EIF4G3: variants seen among roughly 807,000 people sequenced by gnomAD.
The protein encoded by EIF4G3 is eukaryotic translation initiation factor 4 gamma 3, also known as eIF-4-gamma 3.
In EIF4G3, 34 loss-of-function variants were observed where a neutral mutation model predicts 186.4. That is an observed-to-expected ratio of 0.18 (90% CI 0.14 to 0.24). EIF4G3 has a LOEUF of 0.24. Ranked by LOEUF, EIF4G3 falls within the 10% of genes least tolerant of loss-of-function variation. The probability of loss-of-function intolerance (pLI) is 1.00; values close to 1 mark genes in which losing one functional copy is unlikely to be tolerated. For missense variants in EIF4G3, 1,536 were observed against 1,948.5 expected (o/e 0.79, Z 3.99); for synonymous variants, 673 against 679.5 (o/e 0.99, Z 0.15).
At chr1:21,149,754 C>A (rs1364103711) in intron 2 of EIF4G3, among the ~76,000 whole-genome samples, 1 of 152,152 alleles carries the variant, frequency 6.6e-6, no homozygotes, top group Non-Finnish European at 1.5e-5. Flanking sequence ...AAGGGAAGAC[C>A]TTTTTAATCC....
At chr1:20,979,071 T>C (rs971761853) in intron 10 of EIF4G3, among the ~76,000 whole-genome samples, 1 of 152,204 alleles carries the variant, frequency 6.6e-6, no homozygotes, top group African/African-American at 2.4e-5. Flanking sequence ...AACAGATCAA[T>C]GCTTACTGAA....
At chr1:20,919,856 A>G (rs2094328999) in intron 14 of EIF4G3, among the ~76,000 whole-genome samples, 2 of 152,210 alleles carry the variant, frequency 1.3e-5, no homozygotes, top group South Asian at 2.1e-4. Flanking sequence ...TAAAGACACC[A>G]AAGTCAGAAT....
At chr1:21,028,730 G>A (rs1325696957) in intron 4 of EIF4G3, among the ~76,000 whole-genome samples, 3 of 152,334 alleles carry the variant, frequency 2.0e-5, no homozygotes, top group African/African-American at 7.2e-5. Flanking sequence ...TATATACAGT[G>A]TATGGCCTGT....
At chr1:20,824,354 G>A (rs2063101306) in intron 33 of EIF4G3, among the ~76,000 whole-genome samples, 1 of 152,104 alleles carries the variant, frequency 6.6e-6, no homozygotes, top group South Asian at 2.1e-4. Context: ...TTTTCAGATT[G>A]CATTCTTGTT....
intron 36 of EIF4G3, among the ~76,000 whole-genome samples, chr1:20,808,922 G>A (rs79156934): frequency 0.076 from 11,583 of 152,056 alleles, 818 homozygotes; most frequent in East Asian, 0.32. Flanking sequence ...ATGGAGGGAG[G>A]CAGTGGAATA....
At chr1:20,848,059 G>A (rs898525679) in intron 29 of EIF4G3, 14 of 323,684 alleles carry the variant, frequency 4.3e-5, no homozygotes, top group African/African-American at 2.7e-4. Flanking sequence ...TCTGCCTCCC[G>A]GGCTTCAAGT....
intron 2 of EIF4G3, among the ~76,000 whole-genome samples, chr1:21,151,358 C>G (rs1226270952): frequency 6.6e-6 from 1 of 150,454 alleles, no homozygotes; most frequent in Admixed American, 6.7e-5. Flanking sequence ...CCTGCCTCAG[C>G]CTCCCAAGTA....
At chr1:20,825,465 C>T (rs1042954133) in intron 32 of EIF4G3, among the ~76,000 whole-genome samples, 5 of 152,088 alleles carry the variant, frequency 3.3e-5, no homozygotes, top group Admixed American at 6.6e-5. Context: ...ACAAACTTTT[C>T]CTCACTGATA....
At chr1:20,961,141 T>G (rs1558449782) in intron 12 of EIF4G3, among the ~76,000 whole-genome samples, 1 of 152,148 alleles carries the variant, frequency 6.6e-6, no homozygotes, top group Non-Finnish European at 1.5e-5. Flanking sequence ...TCCCAGCACT[T>G]TGGGAGGCCG....
chr1:20,809,361 G>T (rs1163232264), intron 36 of EIF4G3, among the ~76,000 whole-genome samples: 1 of 152,084 alleles, frequency 6.6e-6, no homozygotes, highest in African/African-American at 2.4e-5. Flanking sequence ...TTATCTCCAA[G>T]AGCGATTCAG....
intron 35 of EIF4G3, among the ~76,000 whole-genome samples, chr1:20,812,890 G>A (rs1341857344): frequency 6.6e-6 from 1 of 152,242 alleles, no homozygotes; most frequent in Non-Finnish European, 1.5e-5. Flanking sequence ...AAAAGATAAA[G>A]AAAAAGCTAC....
intron 30 of EIF4G3, among the ~76,000 whole-genome samples, chr1:20,836,389 C>T (rs987460997): frequency 2.0e-5 from 3 of 152,106 alleles, no homozygotes; most frequent in Non-Finnish European, 2.9e-5. Flanking sequence ...ATTATTGGCA[C>T]GTGCCACCAT....
At chr1:20,904,061 C>T (rs2091332320) in intron 15 of EIF4G3, among the ~76,000 whole-genome samples, 1 of 152,098 alleles carries the variant, frequency 6.6e-6, no homozygotes, top group Admixed American at 6.6e-5. Flanking sequence ...CCTTTTTCTT[C>T]CTCACATTCA....
At chr1:20,841,308 A>T (rs1180466170) in intron 29 of EIF4G3, 1 of 210,138 alleles carries the variant, frequency 4.8e-6, no homozygotes, top group Non-Finnish European at 9.3e-6. Context: ...CTGTTTTTAT[A>T]AATAAAAAAA....
At chr1:21,056,789 A>G (rs570746022) in intron 3 of EIF4G3, among the ~76,000 whole-genome samples, 36 of 152,328 alleles carry the variant, frequency 2.4e-4, no homozygotes, top group African/African-American at 7.0e-4. Context: ...TACCTTCTCA[A>G]TTATGAAGGC....
intron 3 of EIF4G3, among the ~76,000 whole-genome samples, chr1:21,060,703 G>A (rs968716309): frequency 1.3e-5 from 2 of 150,420 alleles, no homozygotes; most frequent in South Asian, 4.2e-4. Context: ...ACAGTTCGGC[G>A]CTGTAAGGCA....
intron 32 of EIF4G3, among the ~76,000 whole-genome samples, chr1:20,826,333 A>G (rs897423503): frequency 6.7e-6 from 1 of 150,206 alleles, no homozygotes; most frequent in African/African-American, 2.5e-5. Context: ...TGCCTGGCTA[A>G]TTTTTGTATT....
chr1:21,051,039 C>A, intron 3 of EIF4G3, 45 bp from the exon 4 acceptor site: 2 of 713,180 alleles, frequency 2.8e-6, no homozygotes. Flanking sequence ...ATTAGTAAAT[C>A]AATCTTAATA....
At chr1:21,077,598 G>A (rs1438192686) in intron 3 of EIF4G3, among the ~76,000 whole-genome samples, 3 of 149,060 alleles carry the variant, frequency 2.0e-5, no homozygotes, top group Non-Finnish European at 4.5e-5. Flanking sequence ...AAAAAAAAAC[G>A]GGCCGGGCGT....
Sources: gnomAD v4.1 joint callset for allele counts (sites outside exome capture counted in the v4.1 genomes callset) on GRCh38, gnomAD v4.1.1 for gene constraint, MANE v1.5 for transcripts, NCBI Gene and HGNC (gene_info 2026-07-23, HGNC 2026-07-21) for gene names.